Variants in SUSD5 observed in about 807,000 individuals in gnomAD.
The protein encoded by SUSD5 is sushi domain containing 5.
Under a neutral mutation model 29.5 loss-of-function variants are expected in SUSD5, and 33 were observed. The ratio of observed to expected loss-of-function variants is 1.12; its 90% CI spans 0.85 to 1.49. The LOEUF (loss-of-function observed/expected upper bound fraction) is 1.49, where lower values mean the gene tolerates loss of function less well. SUSD5 is among the 40% of genes most tolerant of loss of function. The pLI, the probability that SUSD5 is intolerant of heterozygous loss-of-function variation, is 0.00. For synonymous variants in SUSD5, 308 were observed against 325.3 expected, an observed-to-expected ratio of 0.95 and a Z score of 0.57; for missense variants, 776 against 800.6, an observed-to-expected ratio of 0.97 and a Z score of 0.37.
At chr3:33,198,143 G>A (rs1385244457) in intron 3 of SUSD5, among the ~76,000 whole-genome samples, 1 of 152,202 alleles carries the variant, frequency 6.6e-6, no homozygotes, top group East Asian at 1.9e-4. Context: ...ATCACTTTAT[G>A]TTGTTAGAGT....
intron 3 of SUSD5, among the ~76,000 whole-genome samples, chr3:33,185,844 A>C (rs950068450): frequency 6.6e-6 from 1 of 152,222 alleles, no homozygotes; most frequent in Non-Finnish European, 1.5e-5. Flanking sequence ...CATGATTATA[A>C]ATAATGCTTC....
intron 4 of SUSD5, among the ~76,000 whole-genome samples, chr3:33,154,654 A>T (rs1252617054): frequency 1.3e-5 from 2 of 152,236 alleles, no homozygotes; most frequent in African/African-American, 4.8e-5. Context: ...GAAAATTAAA[A>T]TTTAAAAGGA....
At chr3:33,183,405 T>C (rs2031713849) in intron 3 of SUSD5, among the ~76,000 whole-genome samples, 1 of 152,200 alleles carries the variant, frequency 6.6e-6, no homozygotes, top group South Asian at 2.1e-4. Flanking sequence ...TTATACTTGT[T>C]TTTTTATTTT....
intron 4 of SUSD5, among the ~76,000 whole-genome samples, chr3:33,172,221 A>ACACT (rs1491035209): frequency 7.1e-6 from 1 of 140,606 alleles, no homozygotes; most frequent in East Asian, 2.2e-4. Context: ...ACACACACAC[A>ACACT]CTCTTCTTAC....
chr3:33,172,399 C>T (rs565028368), intron 4 of SUSD5, among the ~76,000 whole-genome samples: 1 of 152,334 alleles, frequency 6.6e-6, no homozygotes, highest in South Asian at 2.1e-4. Flanking sequence ...GCATTTAGTG[C>T]TCATTCAACT....
intron 4 of SUSD5, among the ~76,000 whole-genome samples, chr3:33,162,520 T>C (rs1335434869): frequency 6.6e-6 from 1 of 152,130 alleles, no homozygotes; most frequent in African/African-American, 2.4e-5. Context: ...ACGAGTAAGG[T>C]TGATAAACTC....
chr3:33,164,611 T>C (rs2031266367), intron 4 of SUSD5, among the ~76,000 whole-genome samples: 1 of 152,102 alleles, frequency 6.6e-6, no homozygotes, highest in Admixed American at 6.6e-5. Flanking sequence ...CAGAAGACAT[T>C]TGCAACATAA....
intron 3 of SUSD5, among the ~76,000 whole-genome samples, chr3:33,191,495 C>A (rs1183611359): frequency 6.6e-6 from 1 of 151,970 alleles, no homozygotes; most frequent in Non-Finnish European, 1.5e-5. Flanking sequence ...TTACTGAGCC[C>A]TCAGAGCATA....
intron 3 of SUSD5, among the ~76,000 whole-genome samples, chr3:33,178,825 T>G (rs2031608329): frequency 6.6e-6 from 1 of 152,230 alleles, no homozygotes; most frequent in African/African-American, 2.4e-5. Flanking sequence ...AAGTATTCCT[T>G]CTGCTAACTT....
intron 3 of SUSD5, among the ~76,000 whole-genome samples, chr3:33,178,482 T>C (rs1467871198): frequency 6.6e-6 from 1 of 151,966 alleles, no homozygotes; most frequent in Non-Finnish European, 1.5e-5. Context: ...GGAGTCTTGC[T>C]GTCGCCCAGG....
At chr3:33,212,197 G>A (rs1205274264) in intron 2 of SUSD5, among the ~76,000 whole-genome samples, 3 of 151,950 alleles carry the variant, frequency 2.0e-5, no homozygotes, top group South Asian at 2.1e-4. Context: ...ACATCACTAC[G>A]CACCCCATGA....
intron 3 of SUSD5, among the ~76,000 whole-genome samples, chr3:33,196,304 T>C (rs2031994820): frequency 1.3e-5 from 2 of 152,076 alleles, no homozygotes. Context: ...GACATAGCAA[T>C]AATGGTCAGT....
At chr3:33,165,663 T>G (rs546735063) in intron 4 of SUSD5, among the ~76,000 whole-genome samples, 70 of 152,240 alleles carry the variant, frequency 4.6e-4, no homozygotes, top group Non-Finnish European at 1.9e-4. Flanking sequence ...AGAACAAAAT[T>G]AAATCAGGCT....
At chr3:33,207,991 C>T (rs768852617) in intron 2 of SUSD5, 65 bp from the exon 3 acceptor site, 163 of 1,233,880 alleles carry the variant, frequency 1.3e-4, no homozygotes, top group Admixed American at 3.5e-4. Flanking sequence ...AGGAATAATT[C>T]TCTTCTGCTG....
intron 3 of SUSD5, chr3:33,190,298 C>T (rs1247468492): frequency 1.2e-5 from 2 of 161,964 alleles, no homozygotes; most frequent in Non-Finnish European, 1.4e-5. Context: ...TTAATGCTGG[C>T]GAAGATCATT....
intron 4 of SUSD5, among the ~76,000 whole-genome samples, chr3:33,174,545 T>C (rs568830153): frequency 6.6e-6 from 1 of 152,214 alleles, no homozygotes; most frequent in Non-Finnish European, 1.5e-5. Flanking sequence ...GAAGCAATGC[T>C]GCTTTGTACC....
At chr3:33,156,249 C>A (rs1348309563) in intron 4 of SUSD5, among the ~76,000 whole-genome samples, 1 of 152,076 alleles carries the variant, frequency 6.6e-6, no homozygotes, top group Non-Finnish European at 1.5e-5. Flanking sequence ...CCATGTTGGC[C>A]AGGCTGGTGT....
chr3:33,177,732 T>C (rs1384419217), intron 3 of SUSD5, among the ~76,000 whole-genome samples: 1 of 152,248 alleles, frequency 6.6e-6, no homozygotes. Flanking sequence ...AGGAAAGTGA[T>C]TAACTTTTGT....
At chr3:33,178,110 TTTTG>T (rs1227069167) in intron 3 of SUSD5, among the ~76,000 whole-genome samples, 3 of 152,128 alleles carry the variant, frequency 2.0e-5, no homozygotes, top group South Asian at 2.1e-4. Context: ...GGTTTTTTTG[TTTTG>T]TTTTTGTTTT....
Sources: allele counts gnomAD v4.1 joint callset (sites outside exome capture counted in the v4.1 genomes callset), GRCh38; gene constraint gnomAD v4.1.1; transcripts MANE v1.5; gene names NCBI Gene and HGNC (gene_info 2026-07-23, HGNC 2026-07-21).